TRMT11: variants seen among roughly 807,000 people sequenced by gnomAD.
TRMT11 encodes tRNA methyltransferase 11.
In TRMT11, 53 loss-of-function variants were observed where a neutral mutation model predicts 62.8. That is an observed-to-expected ratio of 0.84 (90% CI 0.68 to 1.06). TRMT11 has a LOEUF of 1.06. Among genes scored for constraint, TRMT11 ranks in the 50% least tolerant of loss-of-function variants. The pLI is 0.00. For missense variants in TRMT11, 556 were observed against 553.4 expected, an observed-to-expected ratio of 1.00 and a Z score of -0.05; for synonymous variants, 188 against 190.3, an observed-to-expected ratio of 0.99 and a Z score of 0.10.
At chr6:126,071,877 A>C (rs962883097) in intron 17 of TRMT11, among the ~76,000 whole-genome samples, 7 of 152,170 alleles carry the variant, frequency 4.6e-5, no homozygotes, top group African/African-American at 1.7e-4. Context: ...AGTTCTTTAC[A>C]ACACAGATAG....
At chr6:126,151,010 A>G (rs75466876) in intron 21 of TRMT11, among the ~76,000 whole-genome samples, 3 of 152,194 alleles carry the variant, frequency 2.0e-5, no homozygotes, top group Non-Finnish European at 4.4e-5. Flanking sequence ...GAGCAAAAGC[A>G]TCATATTACA....
At chr6:126,234,547 T>C in the TRMT11 span, among the ~76,000 whole-genome samples, 1 of 152,126 alleles carries the variant, frequency 6.6e-6, no homozygotes, top group African/African-American at 2.4e-5. Flanking sequence ...TAAGGTGTCA[T>C]GGGATAAATG....
chr6:126,182,647 A>G (rs563263515), intron 1 of TRMT11, among the ~76,000 whole-genome samples: 1 of 152,094 alleles, frequency 6.6e-6, no homozygotes, highest in East Asian at 1.9e-4. Flanking sequence ...GACACCTTGT[A>G]CAATACTATA....
chr6:126,018,618 C>T (rs986301954), intron 11 of TRMT11, among the ~76,000 whole-genome samples: 2 of 151,722 alleles, frequency 1.3e-5, no homozygotes, highest in African/African-American at 4.8e-5. Flanking sequence ...AAGTACCCCA[C>T]AGACATTAGT....
chr6:126,016,893 CTTATTAA>C (rs1301503820), intron 11 of TRMT11, among the ~76,000 whole-genome samples: 2 of 152,086 alleles, frequency 1.3e-5, no homozygotes, highest in Non-Finnish European at 2.9e-5. Context: ...CTAAAGCGAT[CTTATTAA>C]TTATTAATAG....
chr6:126,103,517 A>G (rs1487373010), intron 17 of TRMT11, among the ~76,000 whole-genome samples: 2 of 152,294 alleles, frequency 1.3e-5, no homozygotes, highest in East Asian at 1.9e-4. Flanking sequence ...GTTGCAATCA[A>G]CGTGTTAGTT....
intron 17 of TRMT11, among the ~76,000 whole-genome samples, chr6:126,086,049 G>T (rs1408776289): frequency 6.6e-6 from 1 of 152,098 alleles, no homozygotes; most frequent in African/African-American, 2.4e-5. Flanking sequence ...GAGGTCTATG[G>T]TTTTAACAGT....
chr6:126,012,786 G>C lies in TRMT11; in HGVS notation c.941G>C (p.Arg314Thr), dbSNP rs1794410104. 6.2e-7 allele frequency: 1 copy of C among 1,613,612 alleles called. No homozygotes were observed. Among genetic ancestry groups the C allele is most frequent in the Non-Finnish European group, 8.5e-7 (1 of 1,179,608 alleles). ...AIITDPPYGI[R>T]ESTRRTGSQK... Reference sequence around the variant, plus strand: ...TTCTGTCTAGCTCCATATGGTATCAGAGAATCTACAAGAAGAACAGGTTCA... The same window carrying C: ...TTCTGTCTAGCTCCATATGGTATCACAGAATCTACAAGAAGAACAGGTTCA... The change falls in exon 10 of 13, where the codon AGA becomes ACA. Residue 314 changes from arginine to threonine, a missense_variant. Physicochemically the swap from Arg to Thr is moderately conservative, Grantham distance 71. Coordinates refer to ENST00000334379, the MANE Select transcript of TRMT11 (RefSeq NM_001031712.3).
At chr6:126,261,100 T>C in the TRMT11 span, among the ~76,000 whole-genome samples, 1 of 152,208 alleles carries the variant, frequency 6.6e-6, no homozygotes, top group Non-Finnish European at 1.5e-5. Flanking sequence ...ATAAGCCCCA[T>C]AGGCTTTTTA....
At chr6:126,272,073 T>C in the TRMT11 span, among the ~76,000 whole-genome samples, 1 of 152,200 alleles carries the variant, frequency 6.6e-6, no homozygotes, top group Non-Finnish European at 1.5e-5. Context: ...GTAAAAAATG[T>C]ACATAGTTAT....
At chr6:126,216,454 A>G in the TRMT11 span, among the ~76,000 whole-genome samples, 1 of 151,866 alleles carries the variant, frequency 6.6e-6, no homozygotes, top group Non-Finnish European at 1.5e-5. Context: ...TTTCTTCTTA[A>G]TTTCTTCATT....
intron 1 of TRMT11, among the ~76,000 whole-genome samples, chr6:126,191,583 T>G (rs1778601191): frequency 1.3e-5 from 2 of 151,942 alleles, no homozygotes; most frequent in African/African-American, 4.8e-5. Context: ...TTTCAGGTCT[T>G]ACATTTAAAT....
At chr6:126,172,332 C>T (rs1366671582), upstream of TRMT11, among the ~76,000 whole-genome samples, 1 of 152,116 alleles carries the variant, frequency 6.6e-6, no homozygotes, top group East Asian at 1.9e-4. Flanking sequence ...TTGAGTGTTA[C>T]TCCAAGAAGT....
intron 17 of TRMT11, among the ~76,000 whole-genome samples, chr6:126,076,584 T>A (rs965311713): frequency 6.6e-6 from 1 of 152,208 alleles, no homozygotes; most frequent in African/African-American, 2.4e-5. Flanking sequence ...CTAGTGGTTT[T>A]CACTCCACAA....
chr6:126,002,563 T>G (rs1330029876), intron 7 of TRMT11, among the ~76,000 whole-genome samples: 1 of 152,156 alleles, frequency 6.6e-6, no homozygotes, highest in Non-Finnish European at 1.5e-5. Flanking sequence ...TGTGCCTGCT[T>G]TTTCCCTTTT....
At chr6:126,243,129 T>A in the TRMT11 span, among the ~76,000 whole-genome samples, 1 of 152,152 alleles carries the variant, frequency 6.6e-6, no homozygotes, top group East Asian at 1.9e-4. Flanking sequence ...GCGAAGGATA[T>A]GAACAGACAC....
chr6:126,194,946 C>G (rs1452045528), intron 1 of TRMT11, among the ~76,000 whole-genome samples: 1 of 152,004 alleles, frequency 6.6e-6, no homozygotes, highest in Non-Finnish European at 1.5e-5. Context: ...GAGACCCTAT[C>G]TCTATAAAAA....
intron 1 of TRMT11, among the ~76,000 whole-genome samples, chr6:126,191,464 CTTT>C (rs77414207): frequency 0.012 from 1,270 of 102,364 alleles, 17 homozygotes; most frequent in African/African-American, 0.042. Context: ...TCCTACTTGT[CTTT>C]TTTTTTTTTT....
intron 1 of TRMT11, among the ~76,000 whole-genome samples, chr6:125,992,166 ATATT>A (rs1437535667): frequency 6.6e-6 from 1 of 152,210 alleles, no homozygotes; most frequent in Non-Finnish European, 1.5e-5. Context: ...TTGGGTTATC[ATATT>A]TATTCTCAGT....
Sources: allele counts gnomAD v4.1 joint callset (sites outside exome capture counted in the v4.1 genomes callset), GRCh38; gene constraint gnomAD v4.1.1; transcripts MANE v1.5; gene names NCBI Gene and HGNC (gene_info 2026-07-23, HGNC 2026-07-21).